ROBO2: variants seen among roughly 807,000 people sequenced by gnomAD.
ROBO2 encodes the protein roundabout homolog 2.
ROBO2 carries 53 observed loss-of-function variants against 160.8 expected under a neutral mutation model. The observed-to-expected ratio is 0.33, with a 90% CI of 0.26 to 0.41. The LOEUF (loss-of-function observed/expected upper bound fraction) is 0.41. ROBO2 is among the 10% of genes least tolerant of loss of function. ROBO2 has a pLI of 1.00. For synonymous variants in ROBO2, 664 were observed against 611.7 expected (o/e 1.09, Z -1.26); for missense variants, 1,577 against 1,722.4 (o/e 0.92, Z 1.49).
At chr3:77,624,597 G>T (rs1280240662) in intron 23 of ROBO2, among the ~76,000 whole-genome samples, 1 of 152,106 alleles carries the variant, frequency 6.6e-6, no homozygotes, top group Non-Finnish European at 1.5e-5. Flanking sequence ...GTTTAATGGC[G>T]CTGAATGAGG....
chr3:77,607,695 A>G (rs2094551677), intron 20 of ROBO2, 103 bp from the exon 22 acceptor site: 1 of 1,019,728 alleles, frequency 9.8e-7, no homozygotes, highest in African/African-American at 1.6e-5. Context: ...CAACTCCAAC[A>G]TACTGATTCT....
At chr3:76,441,567 A>C (rs1271131956) in intron 2 of ROBO2, among the ~76,000 whole-genome samples, 1 of 152,192 alleles carries the variant, frequency 6.6e-6, no homozygotes, top group African/African-American at 2.4e-5. Flanking sequence ...GGCTTAGTTC[A>C]GTACAGAGCT....
intron 2 of ROBO2, among the ~76,000 whole-genome samples, chr3:76,282,531 C>A (rs929324359): frequency 6.6e-6 from 1 of 151,900 alleles, no homozygotes. Context: ...AATGTAATTG[C>A]TTCATAGTTG....
chr3:77,134,712 C>G (rs2076136036), intron 2 of ROBO2, among the ~76,000 whole-genome samples: 1 of 152,120 alleles, frequency 6.6e-6, no homozygotes, highest in African/African-American at 2.4e-5. Flanking sequence ...CTCACTAAAG[C>G]TTTCATAAGA....
At chr3:77,312,873 A>G (rs1399624266) in intron 2 of ROBO2, among the ~76,000 whole-genome samples, 6 of 152,214 alleles carry the variant, frequency 3.9e-5, no homozygotes, top group Admixed American at 3.9e-4. Flanking sequence ...CACATTTTAA[A>G]AACTCAGAAA....
At chr3:76,469,588 TTTC>T (rs2078544754) in intron 2 of ROBO2, among the ~76,000 whole-genome samples, 1 of 152,062 alleles carries the variant, frequency 6.6e-6, no homozygotes, top group East Asian at 1.9e-4. Flanking sequence ...TATTATCCCT[TTTC>T]TTCTTTTAAT....
At chr3:76,980,213 C>A (rs1428603678) in intron 2 of ROBO2, among the ~76,000 whole-genome samples, 1 of 152,188 alleles carries the variant, frequency 6.6e-6, no homozygotes, top group Non-Finnish European at 1.5e-5. Flanking sequence ...GAAGGCTGAG[C>A]TTTACTGCAA....
intron 5 of ROBO2, among the ~76,000 whole-genome samples, chr3:77,496,196 T>C (rs1439070810): frequency 6.6e-6 from 1 of 152,226 alleles, no homozygotes; most frequent in East Asian, 1.9e-4. Context: ...TGTAACCAGT[T>C]AAATATTTTA....
intron 2 of ROBO2, among the ~76,000 whole-genome samples, chr3:76,790,582 C>T (rs894445749): frequency 6.6e-6 from 1 of 151,712 alleles, no homozygotes; most frequent in Non-Finnish European, 1.5e-5. Flanking sequence ...TAAACATGCT[C>T]AGAACATTGT....
At chr3:76,202,069 T>C (rs1702562435) in intron 2 of ROBO2, among the ~76,000 whole-genome samples, 1 of 152,180 alleles carries the variant, frequency 6.6e-6, no homozygotes, top group South Asian at 2.1e-4. Context: ...TCAATGTTTA[T>C]GTGCATAGCA....
intron 2 of ROBO2, among the ~76,000 whole-genome samples, chr3:76,903,435 TCTGA>T (rs2075370056): frequency 6.6e-6 from 1 of 152,162 alleles, no homozygotes; most frequent in Non-Finnish European, 1.5e-5. Context: ...CCATTGTCTC[TCTGA>T]CTGTCAATTG....
chr3:77,251,248 ACCTGC>A (rs1320005530), intron 2 of ROBO2, among the ~76,000 whole-genome samples: 7 of 152,026 alleles, frequency 4.6e-5, no homozygotes, highest in African/African-American at 1.7e-4. Flanking sequence ...CATTTTAGGG[ACCTGC>A]AGATTTAATA....
chr3:75,944,768 A>G (rs1948206489), intron 2 of ROBO2, among the ~76,000 whole-genome samples: 1 of 152,214 alleles, frequency 6.6e-6, no homozygotes, highest in African/African-American at 2.4e-5. Flanking sequence ...TATGTTTGTC[A>G]TAATAATTGG....
intron 2 of ROBO2, among the ~76,000 whole-genome samples, chr3:76,674,771 G>A (rs2092364633): frequency 6.6e-6 from 1 of 152,150 alleles, no homozygotes; most frequent in African/African-American, 2.4e-5. Context: ...GCTTCCAGGG[G>A]CTTCTCCAAG....
chr3:77,295,844 C>T lies in ROBO2; in HGVS notation c.389-181570C>T, dbSNP rs866290430. On this transcript the variant is annotated intron_variant, in intron 2 of 25. Transcript: ENST00000461745. The stretch of plus-strand genomic sequence containing the variant: ...ACATAAAGTAAAATTGACGGGTAAA[C>T]GGGTAAGCTGAGGCTAGATCACCCC... 2.1e-4 allele frequency among the ~76,000 whole-genome samples: 29 copies of T among 139,934 alleles called. 1 individual carries two copies. Among genetic ancestry groups the T allele is most frequent in the Admixed American group, 1.1e-3 (15 of 13,964 alleles). 91.8% of individuals were successfully genotyped at this position (139,934 alleles called of 152,430 possible).
intron 2 of ROBO2, among the ~76,000 whole-genome samples, chr3:76,341,779 G>A (rs751732639): frequency 6.6e-6 from 1 of 152,150 alleles, no homozygotes; most frequent in African/African-American, 2.4e-5. Context: ...ATAACTATTA[G>A]CTGCCATGTT....
intron 2 of ROBO2, among the ~76,000 whole-genome samples, chr3:77,444,105 A>G (rs1581992216): frequency 6.6e-6 from 1 of 152,028 alleles, no homozygotes; most frequent in African/African-American, 2.4e-5. Context: ...TTTTCTATTT[A>G]TTCAACATTT....
At chr3:76,821,761 G>A (rs2066140198) in intron 2 of ROBO2, among the ~76,000 whole-genome samples, 2 of 151,898 alleles carry the variant, frequency 1.3e-5, no homozygotes, top group African/African-American at 2.4e-5. Flanking sequence ...GCAGGCAGAG[G>A]GGCAATAGAC....
intron 5 of ROBO2, among the ~76,000 whole-genome samples, chr3:77,519,541 A>G (rs890111686): frequency 6.6e-6 from 1 of 151,134 alleles, no homozygotes; most frequent in East Asian, 2.0e-4. Flanking sequence ...CACAGTGTCT[A>G]TTGTTTCCAT....
Sources: allele counts gnomAD v4.1 joint callset (sites outside exome capture counted in the v4.1 genomes callset), GRCh38; gene constraint gnomAD v4.1.1; transcripts MANE v1.5; gene names NCBI Gene and HGNC (gene_info 2026-07-23, HGNC 2026-07-21).